The following SLC41A3 variants were observed in gnomAD, a reference collection of about 807,000 sequenced individuals.
SLC41A3 encodes the protein solute carrier family 41 member 3, also known as SLC41A1-like 2.
SLC41A3 carries 44 observed loss-of-function variants against 45.4 expected under a neutral mutation model. The ratio of observed to expected loss-of-function variants is 0.97; its 90% confidence interval spans 0.76 to 1.25. SLC41A3 has a LOEUF of 1.25. SLC41A3 is among the 50% of genes most tolerant of loss of function. The pLI, the probability that SLC41A3 is intolerant of heterozygous loss-of-function variation, is 0.00. For synonymous variants in SLC41A3, 256 were observed against 252.4 expected (o/e 1.01, Z -0.13); for missense variants, 550 against 600.6 (o/e 0.92, Z 0.88).
chr3:126,058,968 T>C (rs961671504), intron 2 of SLC41A3, among the ~76,000 whole-genome samples: 3 of 151,930 alleles, frequency 2.0e-5, no homozygotes, highest in Admixed American at 2.0e-4. Context: ...TCCCCAGAAT[T>C]CCCAACGTAC....
intron 6 of SLC41A3, among the ~76,000 whole-genome samples, chr3:126,017,162 T>G (rs1940382430): frequency 2.0e-5 from 3 of 152,248 alleles, no homozygotes; most frequent in Admixed American, 2.0e-4. Context: ...CTGATGCTAC[T>G]GTCATAAATA....
chr3:126,033,170 G>C (rs1941928869), intron 4 of SLC41A3, among the ~76,000 whole-genome samples: 2 of 152,170 alleles, frequency 1.3e-5, no homozygotes, highest in Admixed American at 1.3e-4. Context: ...GCAGAGCCAA[G>C]GGAGGATTTC....
chr3:126,014,011 G>A (rs1336124495), intron 8 of SLC41A3, among the ~76,000 whole-genome samples: 1 of 152,152 alleles, frequency 6.6e-6, no homozygotes, highest in Non-Finnish European at 1.5e-5. Context: ...GGGCCAGATG[G>A]TCCAGCTGAC....
intron 6 of SLC41A3, among the ~76,000 whole-genome samples, chr3:126,022,021 G>A (rs906706074): frequency 1.3e-5 from 2 of 152,222 alleles, no homozygotes; most frequent in East Asian, 1.9e-4. Flanking sequence ...TGGATGTGGG[G>A]GGCGTGACTG....
chr3:126,057,251 C>T (rs1031399870), intron 2 of SLC41A3: 16 of 798,104 alleles, frequency 2.0e-5, no homozygotes, highest in East Asian at 2.5e-4. Flanking sequence ...CAGAAAAAAA[C>T]GCAGGCCTGT....
chr3:126,033,523 G>C, intron 4 of SLC41A3, 84 bp downstream of exon 4: 1 of 1,456,178 alleles, frequency 6.9e-7, no homozygotes, highest in Middle Eastern at 2.3e-4. Flanking sequence ...GCAGGGACAA[G>C]AGCTCGCTTA....
chr3:126,060,467 T>G (rs1325399531), intron 2 of SLC41A3, among the ~76,000 whole-genome samples: 3 of 50,216 alleles, frequency 6.0e-5, no homozygotes, highest in African/African-American at 1.9e-4. Flanking sequence ...CACACGTGCA[T>G]GCACAGTGAA....
rs746146931 is a variant in SLC41A3 at position 126,026,520 on chromosome 3, G to T, written c.454-41C>A. The T allele has an allele frequency of 6.3e-7, 1 of 1,584,024 alleles. No homozygotes were observed. Among genetic ancestry groups the T allele is most frequent in the Non-Finnish European group, 8.6e-7 (1 of 1,164,210 alleles). On this transcript the variant is annotated intron_variant, in intron 4 of 10. Transcript: ENST00000360370. This position sits in a 1 kb window ranked among gnomAD's most constrained non-coding sequence, Gnocchi z 4.2. ...CAGAAGCATGAAGGGGGGCCCCGGG[G>T]CCACAGCCACACTCCCTGCCCTTCA...
chr3:126,042,466 TG>T (rs1576290460), intron 3 of SLC41A3, among the ~76,000 whole-genome samples: 2 of 152,186 alleles, frequency 1.3e-5, no homozygotes, highest in East Asian at 3.8e-4. Flanking sequence ...GAGAGATGGC[TG>T]TTTTGCAAAT....
At chr3:126,054,685 C>A (rs1257150352) in intron 2 of SLC41A3, among the ~76,000 whole-genome samples, 1 of 152,006 alleles carries the variant, frequency 6.6e-6, no homozygotes, top group Non-Finnish European at 1.5e-5. Context: ...ATCAAATTGT[C>A]CTGCTCCTCT....
chr3:126,055,614 G>A (rs1943606637), intron 2 of SLC41A3, among the ~76,000 whole-genome samples: 2 of 152,214 alleles, frequency 1.3e-5, no homozygotes, highest in African/African-American at 4.8e-5. Flanking sequence ...CGGTGATAGA[G>A]ATGAAGGGAC....
intron 10 of SLC41A3, among the ~76,000 whole-genome samples, chr3:126,008,386 AGT>A (rs1472279799): frequency 1.3e-5 from 2 of 149,462 alleles, no homozygotes; most frequent in African/African-American, 2.5e-5. Flanking sequence ...TGTGGTGTGA[AGT>A]GTGTGGTGTG....
Position 126,016,773 on chromosome 3 carries a change from T to C in SLC41A3, c.848A>G (p.Lys283Arg). ...CAGGATGATTGGGAACCAGCCAAAC[T>C]TCAGGATCTTCACGATGGGTGGGCT... ...KQSPPIVKILKFGWFPIILAM... is the reference protein window; with the variant it reads ...KQSPPIVKILRFGWFPIILAM... The change falls in exon 7 of 11, where the codon AAG (lysine) becomes AGG (arginine). Residue 283 changes from lysine to arginine, a missense_variant. Lys to Arg is a conservative substitution (Grantham distance 26). Transcript: ENST00000360370. 1 of 1,612,526 alleles carries C rather than the reference T, an allele frequency of 6.2e-7. No individual in the cohort carries two copies. The highest frequency in any genetic ancestry group is 8.5e-7 in the Non-Finnish European group (1 of 1,179,486).
At chr3:126,012,895 G>A in intron 8 of SLC41A3, 146 bp from the exon 9 acceptor site, 1 of 1,290,270 alleles carries the variant, frequency 7.8e-7, no homozygotes, top group Non-Finnish European at 1.0e-6. Context: ...CTTGACCACA[G>A]ATCTTGTTTG....
At chr3:126,082,937 G>A (rs1220330897) in intron 1 of SLC41A3, among the ~76,000 whole-genome samples, 1 of 152,240 alleles carries the variant, frequency 6.6e-6, no homozygotes, top group Non-Finnish European at 1.5e-5. Context: ...CAGTGGGAAT[G>A]TTCTGGAGCC....
intron 3 of SLC41A3, among the ~76,000 whole-genome samples, chr3:126,041,087 C>A (rs781452343): frequency 2.0e-5 from 3 of 152,118 alleles, no homozygotes; most frequent in Non-Finnish European, 4.4e-5. Context: ...AAAACAAAAT[C>A]TTTTCATTAG....
At chr3:126,051,477 G>A (rs1943334587) in intron 2 of SLC41A3, among the ~76,000 whole-genome samples, 1 of 152,210 alleles carries the variant, frequency 6.6e-6, no homozygotes, top group African/African-American at 2.4e-5. Context: ...CACAGGCCAT[G>A]CAGGCCCTGC....
intron 3 of SLC41A3, among the ~76,000 whole-genome samples, chr3:126,038,361 C>G (rs544496782): frequency 6.6e-6 from 1 of 152,346 alleles, no homozygotes; most frequent in South Asian, 2.1e-4. Flanking sequence ...TGCAGGCACT[C>G]AATTCCCACT....
rs997718793 is a variant in SLC41A3 at position 126,026,381 on chromosome 3, C to T, written c.552G>A (p.Leu184=). ...EEVDVAKVEL[L]CASSVLTAFL... Reference sequence around the variant, plus strand: ...AGGCAGTGAGGACACTGCTGGCACACAGCAACTCCACCTTGGCGACATCCA... The same window carrying T: ...AGGCAGTGAGGACACTGCTGGCACATAGCAACTCCACCTTGGCGACATCCA... Residue 184 remains leucine, a synonymous_variant, in exon 5 of 11, where the codon CTG becomes CTA. Coordinates refer to ENST00000360370, the MANE Select transcript of SLC41A3 (RefSeq NM_017836.4). The surrounding 1 kb of genome is among the most constrained non-coding windows in gnomAD (Gnocchi z 4.2). 6 of 1,579,428 alleles carry T rather than the reference C, an allele frequency of 3.8e-6. No individual in the cohort carries two copies. Among genetic ancestry groups the T allele is most frequent in the Admixed American group, 1.8e-5 (1 of 55,160 alleles).
Sources: gnomAD v4.1 joint callset for allele counts (sites outside exome capture counted in the v4.1 genomes callset) on GRCh38, gnomAD v4.1.1 for gene constraint, Gnocchi (gnomAD v3.1) non-coding constraint, MANE v1.5 for transcripts, NCBI Gene and HGNC (gene_info 2026-07-23, HGNC 2026-07-21) for gene names.